LRCH3: variants seen among roughly 807,000 people sequenced by gnomAD.
LRCH3 encodes leucine rich repeats and calponin homology domain containing 3, also known as DISP complex protein LRCH3.
A neutral mutation model predicts 104.5 loss-of-function variants in LRCH3; 68 were observed. The ratio of observed to expected loss-of-function variants is 0.65; its 90% confidence interval spans 0.54 to 0.80. LRCH3 has a LOEUF of 0.80. Among genes scored for constraint, LRCH3 ranks in the 30% least tolerant of loss-of-function variants. LRCH3 has a pLI of 0.00. For missense variants in LRCH3, 951 were observed against 953.9 expected (o/e 1.00, Z 0.04); for synonymous variants, 344 against 361.3 (o/e 0.95, Z 0.54).
intron 20 of LRCH3, among the ~76,000 whole-genome samples, chr3:197,879,138 G>A (rs1457885094): frequency 6.6e-6 from 1 of 152,130 alleles, no homozygotes; most frequent in East Asian, 1.9e-4. Context: ...AAACTGTAAT[G>A]GGTGATTAAA....
intron 2 of LRCH3, among the ~76,000 whole-genome samples, chr3:197,815,691 C>A (rs1228979260): frequency 3.9e-5 from 6 of 152,120 alleles, no homozygotes; most frequent in Non-Finnish European, 5.9e-5. Context: ...TTTCTTGTGA[C>A]CATGTATTTT....
At chr3:197,822,336 G>T (rs1438655956) in intron 4 of LRCH3, among the ~76,000 whole-genome samples, 2 of 152,064 alleles carry the variant, frequency 1.3e-5, no homozygotes, top group African/African-American at 2.4e-5. Context: ...TCTCCCTAGG[G>T]TTACCTCTGT....
intron 1 of LRCH3, among the ~76,000 whole-genome samples, chr3:197,797,327 CAAAA>C (rs3085302): frequency 0.011 from 754 of 71,534 alleles, 7 homozygotes; most frequent in Non-Finnish European, 0.015. Flanking sequence ...AACTCCATCT[CAAAA>C]AAAAAAAAAA....
In LRCH3 at chr3:197,791,383, G is replaced by C; in HGVS notation, c.105G>C (p.Gly35=). The C allele has an allele frequency of 1.3e-6, 2 of 1,597,296 alleles. No homozygotes were observed. Among genetic ancestry groups the C allele is most frequent in the Middle Eastern group, 1.7e-4 (1 of 6,020 alleles). Residue 35 remains glycine (G), a synonymous_variant, in exon 1 of 21, where the codon GGG becomes GGC. Coordinates refer to ENST00000425562, the MANE Select transcript of LRCH3 (RefSeq NM_001365715.1). ...GTGTTCACTGCGGCCCAAGCTCCGGGGCAGGCCCTGGTTTTGGCCCGGGCT... is the reference window on the plus strand; with the variant it reads ...GTGTTCACTGCGGCCCAAGCTCCGGCGCAGGCCCTGGTTTTGGCCCGGGCT... The part of the protein sequence containing the change: ...LPGVHCGPSS[G]AGPGFGPGSW...
rs1713989380 is a variant in LRCH3, at chr3:197,883,896, T to G, written c.*230T>G. 1 of 441,862 alleles carries G rather than the reference T, an allele frequency of 2.3e-6. No individual in the cohort carries two copies. The highest frequency in any genetic ancestry group is 3.9e-6 in the Non-Finnish European group (1 of 258,840). 27.4% of individuals were successfully genotyped at this position (441,862 alleles called of 1,614,324 possible). A position where few individuals can be genotyped will look rare whatever the true frequency, so the allele number is the denominator to read the frequency against. On this transcript the variant is annotated 3_prime_UTR_variant, in exon 21 of 21. Transcript: ENST00000425562. The surrounding 1 kb of genome is among the most constrained non-coding windows in gnomAD (Gnocchi z 4.2). ...CATTGGTTTTCTCAGATGAAACTTC[T>G]CTTACTGAAAACCCAGCACCTAACT...
rs71623380 is a variant in LRCH3 at position 197,812,504 on chromosome 3, GT to G, written c.263-2378del. Among the ~76,000 whole-genome samples the G allele has an allele frequency of 2.7e-3, 132 of 48,974 alleles. 2 individuals carry two copies. Among genetic ancestry groups the G allele is most frequent in the African/African-American group, 6.1e-3 (77 of 12,608 alleles). 32.1% of individuals were successfully genotyped at this position (48,974 alleles called of 152,430 possible). On this transcript the variant is annotated intron_variant, in intron 1 of 20. Coordinates refer to ENST00000425562, the MANE Select transcript of LRCH3 (RefSeq NM_001365715.1). ...ATATCTGTTCAAGTCTCTGCTTTCA[GT>G]TTTTTTTTTTTTTTTTTTTTTTTTT...
At chr3:197,865,398 T>G in intron 15 of LRCH3, 25 bp from the exon 16 acceptor site, 3 of 1,478,812 alleles carry the variant, frequency 2.0e-6, no homozygotes, top group Non-Finnish European at 2.8e-6. Context: ...ATAACAATTA[T>G]TGATATATGT....
intron 1 of LRCH3, among the ~76,000 whole-genome samples, chr3:197,809,123 C>A (rs977660521): frequency 6.6e-6 from 1 of 151,890 alleles, no homozygotes; most frequent in Admixed American, 6.6e-5. Context: ...CATAGTGAGA[C>A]GTCTTCTCTA....
intron 1 of LRCH3, 127 bp downstream of exon 1, chr3:197,791,667 A>C: frequency 9.0e-7 from 1 of 1,111,694 alleles, no homozygotes; most frequent in Non-Finnish European, 1.2e-6. Flanking sequence ...GACCCGGGTA[A>C]CGGGGAGAAG....
At chr3:197,817,489 C>T (rs539752975) in intron 3 of LRCH3, among the ~76,000 whole-genome samples, 187 bp downstream of exon 3, 1 of 150,356 alleles carries the variant, frequency 6.7e-6, no homozygotes, top group East Asian at 2.0e-4. Context: ...GGTAATGAAT[C>T]ATATACTGAA....
intron 20 of LRCH3, chr3:197,881,571 G>A: frequency 1.0e-6 from 1 of 985,426 alleles, no homozygotes. Flanking sequence ...AGTAGCAGGA[G>A]AAGTATTAGG....
chr3:197,870,338 G>T, intron 18 of LRCH3, 60 bp downstream of exon 18: 8 of 1,447,146 alleles, frequency 5.5e-6, no homozygotes, highest in Non-Finnish European at 6.7e-6. Context: ...TCATAATCCT[G>T]TGATCACGTC....
Position 197,835,788 on chromosome 3 carries a change from T to C in LRCH3, c.1217T>C (p.Met406Thr). The change falls in exon 9 of 21, where the codon ATG (methionine) becomes ACG (threonine). Residue 406 changes from methionine to threonine, a missense_variant. Physicochemically the swap from Met to Thr is moderately conservative, Grantham distance 81. Transcript: ENST00000425562. ...CCAGACAGCCTTAGTTCACAGTTTA[T>C]GGCGTATATTGAACAGCGGCGAATC... ...PDPDSLSSQF[M>T]AYIEQRRISH... 3 of 1,614,174 alleles carry C rather than the reference T, an allele frequency of 1.9e-6. No individual in the cohort carries two copies. Among genetic ancestry groups the C allele is most frequent in the Non-Finnish European group, 2.5e-6 (3 of 1,180,020 alleles).
At chr3:197,820,456 AT>A in intron 4 of LRCH3, 26 bp downstream of exon 4, 1 of 1,363,902 alleles carries the variant, frequency 7.3e-7, no homozygotes, top group Non-Finnish European at 1.0e-6. Context: ...ATAAGAAACC[AT>A]GAAATAATTG....
chr3:197,878,237 G>A (rs919634580), intron 20 of LRCH3, among the ~76,000 whole-genome samples: 2 of 152,184 alleles, frequency 1.3e-5, no homozygotes, highest in East Asian at 1.9e-4. Flanking sequence ...GCCTGTCCGC[G>A]GGGCTTTCGG....
intron 10 of LRCH3, among the ~76,000 whole-genome samples, chr3:197,845,274 G>A (rs1182501094): frequency 6.6e-6 from 1 of 151,864 alleles, no homozygotes; most frequent in East Asian, 1.9e-4. Context: ...AGCCAGGCAT[G>A]GTGGTGCACA....
intron 17 of LRCH3, among the ~76,000 whole-genome samples, chr3:197,868,555 T>C (rs1277865561): frequency 6.6e-6 from 1 of 152,192 alleles, no homozygotes; most frequent in Non-Finnish European, 1.5e-5. Flanking sequence ...TACAAAAATA[T>C]TCATAGCAGC....
At position 197,847,927 on chromosome 3, in the gene LRCH3, C is replaced by T; in HGVS notation, c.1436C>T (p.Thr479Ile). Residue 479 changes from threonine (T) to isoleucine (I), a missense_variant, in exon 12 of 21, where the codon ACT becomes ATT. Transcript: ENST00000425562. ...AGAAGGGAGCAGTTAGTAGAGCGCA[C>T]TCGGAGAGAGGCTCAGCTTGCTGCC... is the stretch of plus-strand genomic sequence containing the variant. Reference protein sequence around the residue: ...HQRREQLVERTRREAQLAALQ... With the variant: ...HQRREQLVERIRREAQLAALQ... 1 of 1,614,062 alleles carries T rather than the reference C, an allele frequency of 6.2e-7. No individual in the cohort carries two copies. Among genetic ancestry groups the T allele is most frequent in the South Asian group, 1.1e-5 (1 of 91,078 alleles).
chr3:197,878,590 C>A (rs1000507933), intron 20 of LRCH3, among the ~76,000 whole-genome samples: 5 of 152,202 alleles, frequency 3.3e-5, no homozygotes, highest in African/African-American at 1.2e-4. Flanking sequence ...TTCCTTCTCC[C>A]CTTCCACCTC....
Sources: gnomAD v4.1 joint callset for allele counts (sites outside exome capture counted in the v4.1 genomes callset) on GRCh38, gnomAD v4.1.1 for gene constraint, Gnocchi (gnomAD v3.1) non-coding constraint, MANE v1.5 for transcripts, NCBI Gene and HGNC (gene_info 2026-07-23, HGNC 2026-07-21) for gene names.